MCC: variants seen among roughly 807,000 people sequenced by gnomAD.
The protein encoded by MCC is colorectal mutant cancer protein.
In MCC, 90 loss-of-function variants were observed where a neutral mutation model predicts 116.2. The ratio of observed to expected loss-of-function variants is 0.77; its 90% CI spans 0.65 to 0.92. MCC has a LOEUF of 0.92. Ranked by LOEUF, MCC falls within the 40% of genes least tolerant of loss-of-function variation. The probability of loss-of-function intolerance (pLI) is 0.00; values close to 1 mark genes in which losing one functional copy is unlikely to be tolerated. For synonymous variants in MCC, 578 were observed against 510.5 expected (o/e 1.13, Z -1.78); for missense variants, 1,516 against 1,312.2 (o/e 1.16, Z -2.40).
intron 2 of MCC, among the ~76,000 whole-genome samples, chr5:113,354,840 T>G (rs912461911): frequency 7.2e-6 from 1 of 137,964 alleles, no homozygotes; most frequent in South Asian, 2.2e-4. Context: ...TATTAAGACC[T>G]TATTCTTGGC....
intron 3 of MCC, among the ~76,000 whole-genome samples, chr5:113,176,645 C>T (rs955663206): frequency 6.6e-6 from 1 of 152,198 alleles, no homozygotes; most frequent in Admixed American, 6.5e-5. Context: ...CTAACCCACC[C>T]CGTACATCCA....
intron 15 of MCC, among the ~76,000 whole-genome samples, chr5:113,051,490 G>A (rs1449623040): frequency 3.9e-5 from 6 of 152,220 alleles, no homozygotes; most frequent in Non-Finnish European, 2.9e-5. Context: ...AGGTTGACCT[G>A]GGTGGATGAC....
At chr5:113,138,975 G>A (rs1237042953) in intron 5 of MCC, among the ~76,000 whole-genome samples, 1 of 152,142 alleles carries the variant, frequency 6.6e-6, no homozygotes, top group Non-Finnish European at 1.5e-5. Context: ...GTGATGACAA[G>A]TAAAGTCTCT....
Position 113,044,494 on chromosome 5 carries a change from C to T in MCC, c.2656-864G>A, listed in dbSNP as rs372415013. 9 of 983,798 alleles carry T rather than the reference C, an allele frequency of 9.1e-6. No homozygotes were observed. The East Asian group carries it at 3.4e-4, about 37-fold the overall frequency. The allele number at this position is 983,798 out of a possible 1,614,324, so 60.9% of individuals were successfully genotyped here. On this transcript the variant is annotated intron_variant, in intron 16 of 18. Transcript: ENST00000408903. ...AGGCATTCATCGGATGATCTCTCAA[C>T]GGACATGAGTGCTACCAAGCTGCAG... is the stretch of plus-strand genomic sequence containing the variant.
chr5:113,084,272 A>AAAAAGTAGCC, intron 9 of MCC, 82 bp from the exon 10 acceptor site: 1 of 1,063,848 alleles, frequency 9.4e-7, no homozygotes, highest in Non-Finnish European at 1.4e-6. Flanking sequence ...ATACAGGGCT[A>AAAAAGTAGCC]CTTTTTAGCC....
intron 1 of MCC, among the ~76,000 whole-genome samples, chr5:113,398,848 A>G (rs1040302442): frequency 6.6e-6 from 1 of 152,186 alleles, no homozygotes; most frequent in Non-Finnish European, 1.5e-5. Flanking sequence ...AATATTCTTT[A>G]TTTTGAAACC....
intron 3 of MCC, among the ~76,000 whole-genome samples, chr5:113,308,525 T>C (rs1767050243): frequency 1.3e-5 from 2 of 152,158 alleles, no homozygotes; most frequent in African/African-American, 4.8e-5. Context: ...TTAGCAGCCA[T>C]AAGACTAACA....
At chr5:113,216,449 G>C (rs542649691) in intron 3 of MCC, among the ~76,000 whole-genome samples, 1 of 152,238 alleles carries the variant, frequency 6.6e-6, no homozygotes, top group South Asian at 2.1e-4. Context: ...CTCCATCAGT[G>C]ACCTATAGTA....
chr5:113,179,650 G>C (rs1345325214), intron 3 of MCC, among the ~76,000 whole-genome samples: 1 of 152,152 alleles, frequency 6.6e-6, no homozygotes, highest in East Asian at 1.9e-4. Context: ...TTAATAACAT[G>C]CAAGTTCTAG....
At chr5:113,399,285 A>T (rs570998376) in intron 1 of MCC, among the ~76,000 whole-genome samples, 36 of 152,298 alleles carry the variant, frequency 2.4e-4, no homozygotes, top group African/African-American at 7.7e-4. Flanking sequence ...GGAGATTGAG[A>T]CCATCCTGGC....
intron 3 of MCC, among the ~76,000 whole-genome samples, chr5:113,333,843 G>A (rs542205922): frequency 0.055 from 5,382 of 98,624 alleles, 1,472 homozygotes; most frequent in African/African-American, 0.22. Context: ...ATGTATATAT[G>A]TATATATGTA....
chr5:113,268,231 T>G (rs950355646), intron 3 of MCC, among the ~76,000 whole-genome samples: 19 of 152,214 alleles, frequency 1.2e-4, no homozygotes, highest in African/African-American at 4.6e-4. Context: ...ACCACTTCCC[T>G]GCTAAAACAT....
chr5:113,143,474 A>T (rs375559978), intron 4 of MCC, 114 bp from the exon 5 acceptor site: 13 of 1,097,080 alleles, frequency 1.2e-5, no homozygotes, highest in South Asian at 8.5e-5. Flanking sequence ...GTATGCCCCA[A>T]ATAAAATGTA....
intron 16 of MCC, among the ~76,000 whole-genome samples, chr5:113,045,502 A>T (rs900197179): frequency 6.6e-6 from 1 of 152,220 alleles, no homozygotes; most frequent in African/African-American, 2.4e-5. Flanking sequence ...GCATCCATAC[A>T]TAAAGTATTA....
intron 12 of MCC, among the ~76,000 whole-genome samples, 153 bp downstream of exon 12, chr5:113,070,941 C>T (rs1412853475): frequency 6.6e-6 from 1 of 152,184 alleles, no homozygotes; most frequent in Admixed American, 6.5e-5. Context: ...ATATTCATTA[C>T]TCTTAGCTAT....
intron 3 of MCC, among the ~76,000 whole-genome samples, chr5:113,301,065 A>G (rs138716821): frequency 2.0e-5 from 3 of 152,306 alleles, no homozygotes; most frequent in East Asian, 3.9e-4. Context: ...TGTGCTAGAT[A>G]TTGTCCTGCA....
chr5:113,337,161 G>A (rs532642428), intron 3 of MCC, among the ~76,000 whole-genome samples: 3 of 152,174 alleles, frequency 2.0e-5, no homozygotes, highest in South Asian at 4.1e-4. Flanking sequence ...GTGGGTAGGC[G>A]CCAGCAGCAT....
intron 6 of MCC, among the ~76,000 whole-genome samples, chr5:113,116,040 C>CT (rs1446417984): frequency 1.3e-5 from 2 of 152,234 alleles, no homozygotes; most frequent in Non-Finnish European, 2.9e-5. Context: ...TCTGCCCACT[C>CT]TCCCCCAGGC....
At chr5:113,193,655 G>A (rs994132752) in intron 3 of MCC, among the ~76,000 whole-genome samples, 1 of 152,134 alleles carries the variant, frequency 6.6e-6, no homozygotes, top group African/African-American at 2.4e-5. Flanking sequence ...CATAAAGTAG[G>A]AATAAAATTT....
Sources: allele counts gnomAD v4.1 joint callset (sites outside exome capture counted in the v4.1 genomes callset), GRCh38; gene constraint gnomAD v4.1.1; transcripts MANE v1.5; gene names NCBI Gene and HGNC (gene_info 2026-07-23, HGNC 2026-07-21).